FAM184B: variants seen among roughly 807,000 people sequenced by gnomAD.
FAM184B encodes family with sequence similarity 184 member B, also known as protein FAM184B.
FAM184B carries 111 observed loss-of-function variants against 135.9 expected under a neutral mutation model. The ratio of observed to expected loss-of-function variants is 0.82; its 90% CI spans 0.70 to 0.96. FAM184B has a LOEUF of 0.96. Among genes scored for constraint, FAM184B ranks in the 40% least tolerant of loss-of-function variants. The probability of loss-of-function intolerance (pLI) is 0.00; values close to 1 mark genes in which losing one functional copy is unlikely to be tolerated. For missense variants in FAM184B, 1,375 were observed against 1,323.9 expected, an observed-to-expected ratio of 1.04 and a Z score of -0.60; for synonymous variants, 552 against 524.8, an observed-to-expected ratio of 1.05 and a Z score of -0.71.
intron 1 of FAM184B, among the ~76,000 whole-genome samples, chr4:17,773,909 G>C (rs905840474): frequency 2.0e-5 from 3 of 152,182 alleles, no homozygotes; most frequent in Non-Finnish European, 4.4e-5. Flanking sequence ...TTCTTGCAGA[G>C]GAATACATGC....
At chr4:17,719,731 C>T (rs1256977964) in intron 1 of FAM184B, among the ~76,000 whole-genome samples, 2 of 152,140 alleles carry the variant, frequency 1.3e-5, no homozygotes, top group South Asian at 4.1e-4. Context: ...ATAGCAAACT[C>T]CTCAAATACT....
At position 17,694,498 on chromosome 4, in the gene FAM184B, G is replaced by A. The variant is rs559555961; in HGVS notation, c.1378-1086C>T. Among the ~76,000 whole-genome samples the A allele has an allele frequency of 2.0e-3, 300 of 149,934 alleles. 2 individuals are homozygous for A. Among genetic ancestry groups the A allele is most frequent in the Non-Finnish European group, 3.8e-3 (256 of 67,600 alleles). On this transcript the variant is annotated intron_variant, in intron 5 of 17. Coordinates refer to ENST00000265018, the MANE Select transcript of FAM184B (RefSeq NM_015688.2). Reference sequence around the variant, plus strand: ...AGATGGTGCCACTGCACTCCAGCCTGGGTGACAGAGCAAGACTCCATCTCA... The same window carrying A: ...AGATGGTGCCACTGCACTCCAGCCTAGGTGACAGAGCAAGACTCCATCTCA...
At chr4:17,653,236 C>T (rs766442722) in intron 10 of FAM184B, among the ~76,000 whole-genome samples, 6 of 152,182 alleles carry the variant, frequency 3.9e-5, no homozygotes, top group Admixed American at 6.5e-5. Context: ...ATCAAAGTTC[C>T]TTTAATGTAA....
At chr4:17,700,025 A>G (rs929481069) in intron 5 of FAM184B, among the ~76,000 whole-genome samples, 1 of 152,198 alleles carries the variant, frequency 6.6e-6, no homozygotes, top group Non-Finnish European at 1.5e-5. Flanking sequence ...CAAATCCTAC[A>G]GTAACCACTA....
At chr4:17,756,999 G>C (rs1718439189) in intron 1 of FAM184B, among the ~76,000 whole-genome samples, 1 of 152,186 alleles carries the variant, frequency 6.6e-6, no homozygotes, top group Admixed American at 6.6e-5. Context: ...ATGGTCAGCA[G>C]TCTTTCCAGT....
intron 7 of FAM184B, among the ~76,000 whole-genome samples, chr4:17,668,672 A>G (rs1716106389): frequency 6.6e-6 from 1 of 152,154 alleles, no homozygotes; most frequent in South Asian, 2.1e-4. Context: ...AGCTGGGACT[A>G]CAGGCGTGTG....
At chr4:17,742,160 ATATATATATT>A (rs1294730157) in intron 1 of FAM184B, among the ~76,000 whole-genome samples, 91 of 16,578 alleles carry the variant, frequency 5.5e-3, no homozygotes, top group East Asian at 0.023. Flanking sequence ...ATATATATAT[ATATATATATT>A]TTTTTTTTTT....
Position 17,636,552 on chromosome 4 carries a change from T to C in FAM184B, c.2760A>G (p.Arg920=), listed in dbSNP as rs1184552306. 9 of 1,550,908 alleles carry C rather than the reference T, an allele frequency of 5.8e-6. No individual in the cohort carries two copies. Among genetic ancestry groups the C allele is most frequent in the Non-Finnish European group, 7.0e-6 (8 of 1,146,848 alleles). Residue 920 remains arginine, a synonymous_variant, in exon 15 of 18, where the codon AGA becomes AGG. Coordinates refer to ENST00000265018, the MANE Select transcript of FAM184B (RefSeq NM_015688.2). ...IGRLQTRLKE[R]EDIIKQLTEE... is the part of the protein sequence containing the mutation. Reference sequence around the variant, plus strand: ...CCGTGAGCTGCTTGATGATGTCCTCTCTCTCCTTCAGGCGGGTCTGCAGGC... The same window carrying C: ...CCGTGAGCTGCTTGATGATGTCCTCCCTCTCCTTCAGGCGGGTCTGCAGGC...
chr4:17,654,162 C>T (rs1159990626), intron 10 of FAM184B, among the ~76,000 whole-genome samples: 1 of 150,654 alleles, frequency 6.6e-6, no homozygotes, highest in Non-Finnish European at 1.5e-5. Context: ...TAATTTGTTA[C>T]AGCAGCAATA....
intron 7 of FAM184B, among the ~76,000 whole-genome samples, chr4:17,668,415 A>G (rs994714222): frequency 1.3e-5 from 2 of 152,204 alleles, no homozygotes; most frequent in East Asian, 1.9e-4. Context: ...TCAAGGCCCT[A>G]TTCAACTGTT....
chr4:17,707,269 T>C (rs1717139880), intron 3 of FAM184B, among the ~76,000 whole-genome samples: 1 of 152,042 alleles, frequency 6.6e-6, no homozygotes, highest in Non-Finnish European at 1.5e-5. Context: ...TCACACAAAA[T>C]TATTGGAAAG....
intron 7 of FAM184B, among the ~76,000 whole-genome samples, chr4:17,687,936 C>T (rs1245244756): frequency 6.6e-6 from 1 of 152,190 alleles, no homozygotes; most frequent in African/African-American, 2.4e-5. Context: ...ATCCAACCCA[C>T]CGTGAGCCAG....
chr4:17,747,349 A>T (rs73239846), intron 1 of FAM184B, among the ~76,000 whole-genome samples: 49 of 152,208 alleles, frequency 3.2e-4, no homozygotes, highest in Middle Eastern at 6.8e-3. Context: ...GCGAGGGAAG[A>T]GAAGAACATG....
chr4:17,658,535 G>A lies in FAM184B; in HGVS notation c.1852C>T (p.Gln618Ter). Residue 618 changes from glutamine (Q) to a stop codon, truncating the protein, a stop_gained, in exon 10 of 18, where the codon CAG becomes TAG. Transcript: ENST00000265018. LOFTEE classifies it high-confidence loss of function. ...QVSQMQQALEQCTSNYREDLQ... is the reference protein window; with the variant it reads ...QVSQMQQALE ...TCCTCCCTGTAGTTGCTGGTGCACT[G>A]CTCCAGAGCCTGCTGCATCTGTGAG... 1 of 1,551,260 alleles carries A rather than the reference G, an allele frequency of 6.4e-7. No homozygotes were observed. The highest frequency in any genetic ancestry group is 8.7e-7 in the Non-Finnish European group (1 of 1,146,992).
intron 2 of FAM184B, among the ~76,000 whole-genome samples, 183 bp downstream of exon 2, chr4:17,708,709 A>ATATATATTGTCT (rs3066655): frequency 2.6e-5 from 1 of 38,836 alleles, no homozygotes; most frequent in Non-Finnish European, 4.7e-5. Flanking sequence ...ATATATATAT[A>ATATATATTGTCT]GTGTCTGTGT....
chr4:17,640,847 C>T (rs925420773), intron 13 of FAM184B, among the ~76,000 whole-genome samples: 10 of 152,212 alleles, frequency 6.6e-5, no homozygotes, highest in Non-Finnish European at 5.9e-5. Flanking sequence ...ATTAACCAAG[C>T]GTTTCATTCA....
At chr4:17,716,501 C>T (rs1450099696) in intron 1 of FAM184B, among the ~76,000 whole-genome samples, 9 of 151,986 alleles carry the variant, frequency 5.9e-5, no homozygotes, top group Admixed American at 5.9e-4. Flanking sequence ...TACCACCATG[C>T]CTGGATGATT....
chr4:17,636,527 C>T lies in FAM184B; in HGVS notation c.2784+1G>A. On this transcript the variant is annotated splice_donor_variant, in intron 15 of 17. Coordinates refer to ENST00000265018, the MANE Select transcript of FAM184B (RefSeq NM_015688.2). LOFTEE classifies it high-confidence loss of function. ...GGTGAGGCGCCCCCTGACAGCCTCA[C>T]CGTGAGCTGCTTGATGATGTCCTCT... is the stretch of plus-strand genomic sequence containing the variant. 1 of 1,550,206 alleles carries T rather than the reference C, an allele frequency of 6.5e-7. No individual in the cohort carries two copies. The highest frequency in any genetic ancestry group is 2.4e-5 in the East Asian group (1 of 40,882).
intron 13 of FAM184B, among the ~76,000 whole-genome samples, chr4:17,641,461 CTTTTTTTTTTTTTTTTTT>C (rs71167316): frequency 2.0e-4 from 9 of 45,698 alleles, no homozygotes; most frequent in Non-Finnish European, 3.1e-4. Context: ...AGGACTCCCT[CTTTTTTTTTTTTTTTTTT>C]TTTTTTTTTT....
Sources: gnomAD v4.1 joint callset for allele counts (sites outside exome capture counted in the v4.1 genomes callset) on GRCh38, gnomAD v4.1.1 for gene constraint, MANE v1.5 for transcripts, NCBI Gene and HGNC (gene_info 2026-07-23, HGNC 2026-07-21) for gene names.